Variants in UGGT2 observed in about 807,000 individuals in gnomAD.
The protein encoded by UGGT2 is UDP-glucose glycoprotein glucosyltransferase 2.
Under a neutral mutation model 192.1 loss-of-function variants are expected in UGGT2, and 180 were observed. That is an observed-to-expected ratio of 0.94 (90% CI 0.83 to 1.06). The LOEUF (loss-of-function observed/expected upper bound fraction) is 1.06. Ranked by LOEUF, UGGT2 falls within the 50% of genes least tolerant of loss-of-function variation. The probability of loss-of-function intolerance (pLI) is 0.00; values close to 1 mark genes in which losing one functional copy is unlikely to be tolerated. For synonymous variants in UGGT2, 580 were observed against 591.0 expected, an observed-to-expected ratio of 0.98 and a Z score of 0.27; for missense variants, 1,849 against 1,795.7, an observed-to-expected ratio of 1.03 and a Z score of -0.54.
intron 1 of UGGT2, among the ~76,000 whole-genome samples, chr13:96,042,490 C>G (rs535390312): frequency 6.6e-6 from 1 of 152,032 alleles, no homozygotes; most frequent in African/African-American, 2.4e-5. Context: ...CACACTCGCT[C>G]ACCAGCAATA....
chr13:95,923,352 C>T (rs1015020649), intron 20 of UGGT2, among the ~76,000 whole-genome samples: 1 of 150,616 alleles, frequency 6.6e-6, no homozygotes, highest in South Asian at 2.1e-4. Context: ...AGCCACCATG[C>T]CTGGCTCAGC....
intron 8 of UGGT2, among the ~76,000 whole-genome samples, chr13:95,987,841 C>G (rs1457811819): frequency 1.3e-5 from 2 of 152,090 alleles, no homozygotes; most frequent in Non-Finnish European, 2.9e-5. Context: ...GTTTGCCCCC[C>G]GCATCCACTC....
intron 5 of UGGT2, among the ~76,000 whole-genome samples, chr13:96,007,562 C>T (rs1022941581): frequency 7.2e-5 from 11 of 151,936 alleles, no homozygotes; most frequent in Non-Finnish European, 1.5e-5. Context: ...CTAAAGACTC[C>T]ACCAAAAAAC....
chr13:95,968,356 T>G (rs1345038268), intron 12 of UGGT2, among the ~76,000 whole-genome samples: 1 of 152,164 alleles, frequency 6.6e-6, no homozygotes, highest in Non-Finnish European at 1.5e-5. Context: ...GTGCTAAGTA[T>G]ACGAATGGAT....
At chr13:95,858,385 A>T (rs943304911) in intron 33 of UGGT2, among the ~76,000 whole-genome samples, 3 of 152,046 alleles carry the variant, frequency 2.0e-5, no homozygotes, top group Non-Finnish European at 4.4e-5. Context: ...ACAAAGCATC[A>T]GTTCAACATC....
rs571974265 is a variant in UGGT2, at chr13:95,827,506, G to C, written c.4528+5421C>G. On this transcript the variant is annotated intron_variant, in intron 38 of 38. Coordinates refer to ENST00000376747, the MANE Select transcript of UGGT2 (RefSeq NM_020121.4). Reference sequence around the variant, plus strand: ...ATTCTTTCCTCGCAGCCCTCAGAAGGTATCAACCCTGTGGACACCTTCATC... The same window carrying C: ...ATTCTTTCCTCGCAGCCCTCAGAAGCTATCAACCCTGTGGACACCTTCATC... Among the ~76,000 whole-genome samples, 6 of 152,188 alleles carry C rather than the reference G, an allele frequency of 3.9e-5. No individual in the cohort carries two copies. In the East Asian group the frequency reaches 5.8e-4, roughly 15 times the overall value.
chr13:95,834,134 G>T (rs1222441787), intron 37 of UGGT2, among the ~76,000 whole-genome samples: 2 of 151,830 alleles, frequency 1.3e-5, no homozygotes, highest in African/African-American at 4.8e-5. Flanking sequence ...AAGATAATGG[G>T]ACTAATTCTT....
chr13:95,998,340 T>C (rs2051693045), intron 6 of UGGT2, among the ~76,000 whole-genome samples: 1 of 152,178 alleles, frequency 6.6e-6, no homozygotes, highest in Non-Finnish European at 1.5e-5. Context: ...ACACAAGCTA[T>C]AGAGAAATAC....
rs147243336 is a variant in UGGT2, at chr13:95,992,668, T to C, written c.831-2595A>G. On this transcript the variant is annotated intron_variant, in intron 7 of 38. Coordinates refer to ENST00000376747, the MANE Select transcript of UGGT2 (RefSeq NM_020121.4). ...AACATATAAGCAGCCAAGAAACATA[T>C]GAAAAAATGCTCGACATCACTAATC... Among the ~76,000 whole-genome samples the C allele has an allele frequency of 2.9e-3, 444 of 152,090 alleles. 1 individual carries two copies. Among genetic ancestry groups the C allele is most frequent in the Non-Finnish European group, 4.1e-3 (277 of 67,986 alleles).
At chr13:95,954,947 G>T (rs1275420004) in intron 12 of UGGT2, among the ~76,000 whole-genome samples, 1 of 152,110 alleles carries the variant, frequency 6.6e-6, no homozygotes, top group Admixed American at 6.6e-5. Context: ...AACCCTTCTG[G>T]TCCCAAGCAT....
At chr13:95,975,071 ACT>A (rs1375998699) in intron 10 of UGGT2, among the ~76,000 whole-genome samples, 9 of 152,240 alleles carry the variant, frequency 5.9e-5, no homozygotes, top group Middle Eastern at 3.4e-3. Flanking sequence ...ATAGAGCGAT[ACT>A]CTGTCTCAAA....
In UGGT2 at chr13:95,981,183, G is replaced by GTTTA. The variant is rs2051113096; in HGVS notation, c.1092+2620_1092+2621insTAAA. ...AAATTATGCTTAAGACACTTTTGTT[G>GTTTA]GCCGGGCGCGGTGGCTCACGCCTGT... On this transcript the variant is annotated intron_variant, in intron 10 of 38. Transcript: ENST00000376747. Among the ~76,000 whole-genome samples the GTTTA allele has an allele frequency of 2.4e-4, 2 of 8,246 alleles. 1 individual carries two copies. The highest frequency in any genetic ancestry group is 7.6e-4 in the African/African-American group (2 of 2,642). The allele number at this position is 8,246 out of a possible 152,430, so 5.4% of individuals were successfully genotyped here.
At position 95,802,876 on chromosome 13, in the gene UGGT2, C is replaced by G. The variant is rs926023904; in HGVS notation, c.4529-1064G>C. 3.9e-5 allele frequency among the ~76,000 whole-genome samples: 6 copies of G among 152,328 alleles called. No individual in the cohort carries two copies. In the East Asian group the frequency reaches 1.2e-3, roughly 29 times the overall value. The stretch of plus-strand genomic sequence containing the variant: ...TGAGACGGAGTCTCACTCAGTCGTC[C>G]AGGCTGGAGTGCAGTGGTGTGATCT... On this transcript the variant is annotated intron_variant, in intron 38 of 38. Coordinates refer to ENST00000376747, the MANE Select transcript of UGGT2 (RefSeq NM_020121.4).
At chr13:95,850,898 T>C (rs1341567114) in intron 36 of UGGT2, among the ~76,000 whole-genome samples, 5 of 152,040 alleles carry the variant, frequency 3.3e-5, no homozygotes, top group Non-Finnish European at 5.9e-5. Context: ...AGGAAAAGAG[T>C]TGTCTCACCC....
intron 12 of UGGT2, among the ~76,000 whole-genome samples, chr13:95,969,569 A>T (rs892297114): frequency 6.6e-6 from 1 of 152,230 alleles, no homozygotes; most frequent in Non-Finnish European, 1.5e-5. Flanking sequence ...GAGACAAAGG[A>T]TAGTAGTGAA....
intron 38 of UGGT2, among the ~76,000 whole-genome samples, chr13:95,803,321 C>T (rs1281622396): frequency 1.3e-5 from 2 of 149,964 alleles, no homozygotes; most frequent in African/African-American, 4.9e-5. Flanking sequence ...AGTATAATGG[C>T]GTGATCTCAG....
chr13:95,922,992 T>C (rs746371273), intron 20 of UGGT2, among the ~76,000 whole-genome samples: 16 of 152,196 alleles, frequency 1.1e-4, no homozygotes, highest in Non-Finnish European at 2.2e-4. Flanking sequence ...ATTTGGAAAG[T>C]CATTTGTTAA....
intron 20 of UGGT2, among the ~76,000 whole-genome samples, chr13:95,904,284 A>C (rs1008461164): frequency 1.3e-5 from 2 of 151,954 alleles, no homozygotes; most frequent in Non-Finnish European, 2.9e-5. Flanking sequence ...AAAAAAGATA[A>C]TCTATATTAT....
rs375943679 is a variant in UGGT2, at chr13:96,053,329, C to G, written c.-17G>C. On this transcript the variant is annotated 5_prime_UTR_variant, in exon 1 of 39. Coordinates refer to ENST00000376747, the MANE Select transcript of UGGT2 (RefSeq NM_020121.4). Reference sequence around the variant, plus strand: ...TGGCGCCATGGCACGGAGAGAAAAGCGCGAGTCCCTCGGACCCGGTACCCA... The same window carrying G: ...TGGCGCCATGGCACGGAGAGAAAAGGGCGAGTCCCTCGGACCCGGTACCCA... The G allele has an allele frequency of 5.3e-4, 839 of 1,579,434 alleles. 1 individual carries two copies. The highest frequency in any genetic ancestry group is 6.7e-4 in the Non-Finnish European group (790 of 1,172,254).
Sources: gnomAD v4.1 joint callset for allele counts (sites outside exome capture counted in the v4.1 genomes callset) on GRCh38, gnomAD v4.1.1 for gene constraint, MANE v1.5 for transcripts, NCBI Gene and HGNC (gene_info 2026-07-23, HGNC 2026-07-21) for gene names.